Variants in ATAD2B observed in about 807,000 individuals in gnomAD.
ATAD2B encodes the protein ATPase family AAA domain-containing protein 2B.
ATAD2B carries 40 observed loss-of-function variants against 167.6 expected under a neutral mutation model. That is an observed-to-expected ratio of 0.24 (90% CI 0.19 to 0.31). The LOEUF (loss-of-function observed/expected upper bound fraction) is 0.31. Ranked by LOEUF, ATAD2B falls within the 10% of genes least tolerant of loss-of-function variation. The pLI, the probability that ATAD2B is intolerant of heterozygous loss-of-function variation, is 1.00. For synonymous variants in ATAD2B, 579 were observed against 596.5 expected, an observed-to-expected ratio of 0.97 and a Z score of 0.43; for missense variants, 1,242 against 1,757.2, an observed-to-expected ratio of 0.71 and a Z score of 5.24.
At chr2:23,681,151 G>A in the ATAD2B span, among the ~76,000 whole-genome samples, 20 of 152,326 alleles carry the variant, frequency 1.3e-4, no homozygotes, top group African/African-American at 4.6e-4. This position sits in a 1 kb window ranked among gnomAD's most constrained non-coding sequence, Gnocchi z 4.2. Context: ...TTCGCCGGCC[G>A]GGCAGGCAGT....
chr2:23,703,139 G>A, the ATAD2B span: 38 of 1,345,660 alleles, frequency 2.8e-5, no homozygotes, highest in South Asian at 5.1e-4. Context: ...CCTCTGCCCC[G>A]CACAAGGTCC....
At chr2:23,872,434 C>T in intron 8 of ATAD2B, 5 of 720,732 alleles carry the variant, frequency 6.9e-6, no homozygotes, top group South Asian at 5.6e-5. Context: ...TTTCACAATG[C>T]CCCAGAGGCT....
intron 19 of ATAD2B, among the ~76,000 whole-genome samples, chr2:23,793,343 A>T (rs1310811493): frequency 6.6e-6 from 1 of 152,240 alleles, no homozygotes; most frequent in Non-Finnish European, 1.5e-5. Context: ...GAATGTCTTC[A>T]GAAACAGAAA....
intron 2 of ATAD2B, among the ~76,000 whole-genome samples, 152 bp from the exon 3 acceptor site, chr2:23,888,551 T>C (rs1573271820): frequency 1.3e-5 from 2 of 152,264 alleles, no homozygotes; most frequent in East Asian, 3.9e-4. Context: ...TGTCAATTAA[T>C]AAAATATACT....
At position 23,750,167 on chromosome 2, in the gene ATAD2B, A is replaced by T. The variant is rs1366339105; in HGVS notation, c.*1879T>A. 4 of 152,144 alleles carry T rather than the reference A, an allele frequency of 2.6e-5. No individual in the cohort carries two copies. The highest frequency in any genetic ancestry group is 4.8e-5 in the African/African-American group (2 of 41,442). 9.4% of individuals were successfully genotyped at this position (152,144 alleles called of 1,614,324 possible). A position where few individuals can be genotyped will look rare whatever the true frequency, so the allele number is the denominator to read the frequency against. The stretch of plus-strand genomic sequence containing the variant: ...CCCAATAATCAAATTAGAGGTTTCA[A>T]ATAACCTCCCCTTTAAAATGGTTCA... On this transcript the variant is annotated 3_prime_UTR_variant, in exon 28 of 28. Transcript: ENST00000238789.
At chr2:23,876,302 T>C (rs1331885119) in intron 7 of ATAD2B, among the ~76,000 whole-genome samples, 1 of 150,514 alleles carries the variant, frequency 6.6e-6, no homozygotes, top group South Asian at 2.1e-4. Flanking sequence ...CTGTTAACTT[T>C]TTTTTCTTTT....
chr2:23,901,660 A>T (rs1700854483), intron 1 of ATAD2B, among the ~76,000 whole-genome samples: 2 of 152,164 alleles, frequency 1.3e-5, no homozygotes, highest in African/African-American at 4.8e-5. Flanking sequence ...GCAAGAAAGG[A>T]GGGCTCATGG....
At chr2:23,829,435 T>G (rs1458542221) in intron 14 of ATAD2B, among the ~76,000 whole-genome samples, 1 of 152,194 alleles carries the variant, frequency 6.6e-6, no homozygotes, top group Non-Finnish European at 1.5e-5. Flanking sequence ...GTTTTTAATT[T>G]GGAAAGTATT....
intron 13 of ATAD2B, among the ~76,000 whole-genome samples, chr2:23,834,599 G>T (rs1376085264): frequency 2.0e-5 from 3 of 151,600 alleles, no homozygotes; most frequent in Non-Finnish European, 4.4e-5. Flanking sequence ...AAAAAAAAAT[G>T]GACTTCATCA....
At chr2:23,713,047 G>C in the ATAD2B span, among the ~76,000 whole-genome samples, 1 of 152,250 alleles carries the variant, frequency 6.6e-6, no homozygotes, top group African/African-American at 2.4e-5. Context: ...TGCTGCTGTA[G>C]CCAGCCCTGC....
chr2:23,699,981 C>T, the ATAD2B span, among the ~76,000 whole-genome samples: 4 of 152,216 alleles, frequency 2.6e-5, no homozygotes, highest in Non-Finnish European at 1.5e-5. Context: ...ACTTGCTCAC[C>T]TTCCTGCAGT....
chr2:23,752,123 G>C (rs1675414881), intron 27 of ATAD2B, 36 bp from the exon 28 acceptor site: 2 of 1,434,182 alleles, frequency 1.4e-6, no homozygotes, highest in Non-Finnish European at 1.9e-6. Flanking sequence ...TATCTATTAA[G>C]GGAAAGACAA....
At chr2:23,843,212 T>TA (rs1179202564) in intron 13 of ATAD2B, among the ~76,000 whole-genome samples, 2 of 151,686 alleles carry the variant, frequency 1.3e-5, no homozygotes, top group Non-Finnish European at 2.9e-5. Context: ...ATTTCTGAAA[T>TA]AAAAAAATGT....
Position 23,810,483 on chromosome 2 carries a change from T to A in ATAD2B, c.2287A>T (p.Thr763Ser). 6.2e-7 allele frequency: 1 copy of A among 1,613,578 alleles called. No individual in the cohort carries two copies. Among genetic ancestry groups the A allele is most frequent in the Non-Finnish European group, 8.5e-7 (1 of 1,179,644 alleles). ...HFTMSPYHQP[T>S]SYRPRLLLSG... is the part of the protein sequence containing the mutation. ...AGCAATAAGCGTGGCCTGTAAGAGG[T>A]TGGCTGATGATATGGTGACCTGTAA... is the stretch of plus-strand genomic sequence containing the variant. The change falls in exon 18 of 28, where the codon ACC (threonine) becomes TCC (serine). Residue 763 changes from threonine to serine, a missense_variant. Around this residue, in one of 9 missense-constraint regions of ATAD2B, gnomAD observed 145 missense variants for 181.9 expected, o/e 0.80. Coordinates refer to ENST00000238789, the MANE Select transcript of ATAD2B (RefSeq NM_017552.4).
chr2:23,820,267 CA>C (rs927986926), intron 16 of ATAD2B, among the ~76,000 whole-genome samples: 3 of 152,278 alleles, frequency 2.0e-5, no homozygotes, highest in Admixed American at 1.3e-4. Flanking sequence ...TTAGCTGAGT[CA>C]AGGCCAGTTC....
rs777649265 is a variant in ATAD2B at position 23,833,926 on chromosome 2, T to G, written c.1721A>C (p.Asp574Ala). 1 of 1,601,516 alleles carries G rather than the reference T, an allele frequency of 6.2e-7. No individual in the cohort carries two copies. Among genetic ancestry groups the G allele is most frequent in the Non-Finnish European group, 8.5e-7 (1 of 1,176,732 alleles). The change falls in exon 14 of 28, where the codon GAT (aspartate) becomes GCT (alanine). Residue 574 changes from aspartate (D) to alanine (A), a missense_variant. Physicochemically the swap from Asp to Ala is moderately radical, Grantham distance 126. Around this residue, in one of 9 missense-constraint regions of ATAD2B, gnomAD observed 151 missense variants for 284.1 expected, o/e 0.53. Transcript: ENST00000238789. ...FDREFLFNLP[D>A]QKARKHILQI... ...GAAAACAAAAACTCTTACCTTTTGA[T>G]CAGGCAGGTTGAAGAGGAATTCTCT...
At chr2:23,768,498 G>C (rs1163066130) in intron 22 of ATAD2B, among the ~76,000 whole-genome samples, 1 of 151,988 alleles carries the variant, frequency 6.6e-6, no homozygotes, top group African/African-American at 2.4e-5. Flanking sequence ...TTGAGCCCAA[G>C]GGAGTTGAGG....
chr2:23,717,093 T>A, the ATAD2B span, among the ~76,000 whole-genome samples: 1 of 152,114 alleles, frequency 6.6e-6, no homozygotes, highest in Non-Finnish European at 1.5e-5. Flanking sequence ...TAAAGACCAC[T>A]GGACAACATC....
intron 24 of ATAD2B, among the ~76,000 whole-genome samples, chr2:23,760,707 C>T (rs1234576654): frequency 9.9e-4 from 128 of 129,946 alleles, no homozygotes; most frequent in African/African-American, 2.7e-3. Context: ...TATACACACA[C>T]ACACACACAC....
Sources: allele counts gnomAD v4.1 joint callset (sites outside exome capture counted in the v4.1 genomes callset), GRCh38; gene constraint gnomAD v4.1.1; regional missense constraint gnomAD v4.1.1; non-coding constraint Gnocchi (gnomAD v3.1); transcripts MANE v1.5; gene names NCBI Gene and HGNC (gene_info 2026-07-23, HGNC 2026-07-21).